Variants in ANKMY1 observed in about 807,000 individuals in gnomAD.
ANKMY1 encodes the protein ankyrin repeat and MYND domain-containing protein 1.
In ANKMY1, 98 loss-of-function variants were observed where a neutral mutation model predicts 102.0. That is an observed-to-expected ratio of 0.96 (90% CI 0.82 to 1.14). ANKMY1 has a LOEUF of 1.14. Among genes scored for constraint, ANKMY1 ranks in the 50% most tolerant of loss-of-function variants. ANKMY1 has a pLI of 0.00. For synonymous variants in ANKMY1, 582 were observed against 559.9 expected (o/e 1.04, Z -0.56); for missense variants, 1,330 against 1,347.6 (o/e 0.99, Z 0.20).
At chr2:240,476,030 C>G (rs2074829350), downstream of ANKMY1, among the ~76,000 whole-genome samples, 1 of 152,084 alleles carries the variant, frequency 6.6e-6, no homozygotes, top group Admixed American at 6.5e-5. Flanking sequence ...TCACAAAATA[C>G]TCTAAACAGC....
chr2:240,500,096 G>A lies in ANKMY1; in HGVS notation c.2668C>T (p.His890Tyr), dbSNP rs1401752016. Residue 890 changes from histidine to tyrosine, a missense_variant, in exon 15 of 18, where the codon CAC becomes TAC. Physicochemically the swap from His to Tyr is moderately conservative, Grantham distance 83. Transcript: ENST00000401804. ...TCGCGCTCTGCTGGCATCAGCGTGT[G>A]GAAGGGGCAGCGGGCAATCCTCCGG... The part of the protein sequence containing the change: ...QDRRIARCPF[H>Y]TLMPAERETF... 1.2e-6 allele frequency: 2 copies of A among 1,608,646 alleles called. No homozygotes were observed. The highest frequency in any genetic ancestry group is 1.7e-6 in the Non-Finnish European group (2 of 1,177,912).
At chr2:240,561,005 C>T (rs765590102), upstream of ANKMY1, 19 of 1,538,444 alleles carry the variant, frequency 1.2e-5, no homozygotes, top group Admixed American at 2.4e-4. Flanking sequence ...AGAACGGCCG[C>T]AGCCGCTCGG....
intron 1 of ANKMY1, 171 bp from the exon 2 acceptor site, chr2:240,557,523 G>A: frequency 1.5e-6 from 1 of 645,714 alleles, no homozygotes; most frequent in Non-Finnish European, 2.3e-6. Flanking sequence ...ATCCCTGGGA[G>A]TCCTCAGGGA....
At chr2:240,498,490 A>T (rs2077581733) in intron 15 of ANKMY1, among the ~76,000 whole-genome samples, 1 of 21,224 alleles carries the variant, frequency 4.7e-5, no homozygotes, top group African/African-American at 2.0e-4. Context: ...GGTGGAGCTG[A>T]GGGGGGTGTG....
rs151124258 is a variant in ANKMY1 at position 240,524,003 on chromosome 2, G to A, written c.1714C>T (p.Gln572Ter). The A allele has an allele frequency of 1.4e-5, 23 of 1,613,946 alleles. No homozygotes were observed. In the African/African-American group the frequency reaches 2.7e-4, roughly 19 times the overall value. Reference protein sequence around the residue: ...CVCDFSIELSQAMLERSAQSH... With the variant: ...CVCDFSIELS ...TGGGCGCTTCTCTCCAGCATGGCCT[G>A]CGAGAGCTCGATGGAGAAGTCGCAC... Residue 572 changes from glutamine (Q) to a stop codon, truncating the protein, a stop_gained, in exon 8 of 18, where the codon CAG becomes TAG. Coordinates refer to ENST00000401804, the MANE Select transcript of ANKMY1 (RefSeq NM_001282771.3). LOFTEE classifies it high-confidence loss of function.
chr2:240,524,258 C>G lies in ANKMY1; in HGVS notation c.1459G>C (p.Ala487Pro), dbSNP rs1559321946. 1 of 1,613,754 alleles carries G rather than the reference C, an allele frequency of 6.2e-7. No homozygotes were observed. Among genetic ancestry groups the G allele is most frequent in the Admixed American group, 1.7e-5 (1 of 60,012 alleles). ...GAGACGCGTGGCAGGAGCAGTGGTG[C>G]TGGCGGTGGCCTCAGCTCATAGCTA... Reference protein sequence around the residue: ...QGSYELRPPPAPLLLPRVSGS... With the variant: ...QGSYELRPPPPPLLLPRVSGS... Residue 487 changes from alanine to proline, a missense_variant, in exon 8 of 18, where the codon GCA (alanine) becomes CCA (proline). Ala to Pro is a conservative substitution (Grantham distance 27, BLOSUM62 -1). Transcript: ENST00000401804.
chr2:240,480,119 G>A (rs2075188886), intron 17 of ANKMY1, among the ~76,000 whole-genome samples: 1 of 152,212 alleles, frequency 6.6e-6, no homozygotes, highest in East Asian at 1.9e-4. Context: ...TGGAACCGGG[G>A]AGGCGGAGGT....
chr2:240,543,918 T>G (rs2089652857), intron 4 of ANKMY1, among the ~76,000 whole-genome samples: 1 of 152,198 alleles, frequency 6.6e-6, no homozygotes, highest in Non-Finnish European at 1.5e-5. Context: ...TAGTTTGGGA[T>G]TTCTTGCTTC....
At chr2:240,549,450 A>T (rs2091094440) in intron 4 of ANKMY1, among the ~76,000 whole-genome samples, 2 of 152,374 alleles carry the variant, frequency 1.3e-5, no homozygotes, top group Admixed American at 6.5e-5. Flanking sequence ...GGACATAGGC[A>T]TGGGCAACGA....
chr2:240,553,288 G>T (rs550047593), intron 3 of ANKMY1: 2 of 555,192 alleles, frequency 3.6e-6, no homozygotes, highest in East Asian at 3.1e-5. Flanking sequence ...CTCCTCAGGT[G>T]GGGGACTGTG....
intron 3 of ANKMY1, 44 bp downstream of exon 3, chr2:240,554,822 A>G (rs1228243569): frequency 3.1e-6 from 5 of 1,605,544 alleles, no homozygotes; most frequent in South Asian, 1.1e-5. Flanking sequence ...GCCAGCCACC[A>G]GAGGCCCTAG....
At chr2:240,478,492 G>C (rs922589843), downstream of ANKMY1, among the ~76,000 whole-genome samples, 1 of 152,066 alleles carries the variant, frequency 6.6e-6, no homozygotes, top group African/African-American at 2.4e-5. Context: ...TTGGCGGCAG[G>C]GAGCCAGCTC....
In ANKMY1 at chr2:240,511,893, G is replaced by A; in HGVS notation, c.2254C>T (p.His752Tyr). 2 of 1,592,570 alleles carry A rather than the reference G, an allele frequency of 1.3e-6. No homozygotes were observed. Among genetic ancestry groups the A allele is most frequent in the Non-Finnish European group, 1.7e-6 (2 of 1,175,126 alleles). Residue 752 changes from histidine to tyrosine, a missense_variant, in exon 11 of 18, where the codon CAC becomes TAC. His to Tyr is a moderately conservative substitution (Grantham distance 83). Coordinates refer to ENST00000401804, the MANE Select transcript of ANKMY1 (RefSeq NM_001282771.3). ...LPEEGGRTAL[H>Y]MACEREDDNK... Reference sequence around the variant, plus strand: ...TCATCCTCCCGCTCGCAGGCCATGTGCAGAGCCGTCCTGCCCCCCTCCTCC... The same window carrying A: ...TCATCCTCCCGCTCGCAGGCCATGTACAGAGCCGTCCTGCCCCCCTCCTCC...
chr2:240,512,090 C>G lies in ANKMY1; in HGVS notation c.2146-89G>C, dbSNP rs1016893005. ...CGGAGCAAGGGAGCTTCCTCCCCAG[C>G]CTGCGGGTCTGGAGTCTCACCCTGC... On this transcript the variant is annotated intron_variant, in intron 10 of 17. Coordinates refer to ENST00000401804, the MANE Select transcript of ANKMY1 (RefSeq NM_001282771.3). 21 of 1,411,242 alleles carry G rather than the reference C, an allele frequency of 1.5e-5. No individual in the cohort carries two copies. The African/African-American group carries it at 2.0e-4, about 13-fold the overall frequency. The allele number at this position is 1,411,242 out of a possible 1,614,324, so 87.4% of individuals were successfully genotyped here.
intron 5 of ANKMY1, chr2:240,527,655 T>C (rs1255068982): frequency 6.6e-6 from 1 of 150,804 alleles, no homozygotes; most frequent in African/African-American, 2.4e-5. Flanking sequence ...GACGGGTGGG[T>C]GGGTGGACAA....
At chr2:240,546,140 C>T (rs1282025905) in intron 4 of ANKMY1, among the ~76,000 whole-genome samples, 1 of 152,154 alleles carries the variant, frequency 6.6e-6, no homozygotes, top group African/African-American at 2.4e-5. Context: ...AAGGGAAGCT[C>T]GTCAGACTAA....
intron 5 of ANKMY1, chr2:240,526,647 T>C (rs1456457680): frequency 4.9e-6 from 7 of 1,435,730 alleles, no homozygotes; most frequent in Non-Finnish European, 6.4e-6. Flanking sequence ...GGTGCAGACA[T>C]GCCACCTGGA....
chr2:240,470,050 A>G, the ANKMY1 span, among the ~76,000 whole-genome samples: 5 of 152,290 alleles, frequency 3.3e-5, no homozygotes, highest in South Asian at 2.1e-4. Context: ...ACACGCATGC[A>G]CTCACACAGA....
At chr2:240,525,383 G>A (rs1373265708) in intron 7 of ANKMY1, among the ~76,000 whole-genome samples, 1 of 152,206 alleles carries the variant, frequency 6.6e-6, no homozygotes, top group Non-Finnish European at 1.5e-5. Flanking sequence ...CCACCTTGGG[G>A]GCATTGTCAT....
Sources: gnomAD v4.1 joint callset for allele counts (sites outside exome capture counted in the v4.1 genomes callset) on GRCh38, gnomAD v4.1.1 for gene constraint, MANE v1.5 for transcripts, NCBI Gene and HGNC (gene_info 2026-07-23, HGNC 2026-07-21) for gene names.